MTAP: variants seen among roughly 807,000 people sequenced by gnomAD.
MTAP encodes the protein methylthioadenosine phosphorylase, also known as S-methyl-5'-thioadenosine phosphorylase.
MTAP carries 33 observed loss-of-function variants against 33.6 expected under a neutral mutation model. That is an observed-to-expected ratio of 0.98 (90% CI 0.74 to 1.31). The LOEUF is 1.31. Among genes scored for constraint, MTAP ranks in the 40% most tolerant of loss-of-function variants. The pLI, the probability that MTAP is intolerant of heterozygous loss-of-function variation, is 0.00. For missense variants in MTAP, 367 were observed against 360.0 expected (o/e 1.02, Z -0.16); for synonymous variants, 148 against 125.7 (o/e 1.18, Z -1.19).
At chr9:21,850,625 G>A (rs117328306) in intron 5 of MTAP, among the ~76,000 whole-genome samples, 3,249 of 152,288 alleles carry the variant, frequency 0.021, 48 homozygotes, top group Middle Eastern at 0.082. Context: ...GGATTTTGGA[G>A]CAAGGTCCTG....
intron 4 of MTAP, among the ~76,000 whole-genome samples, chr9:21,829,506 A>G (rs1377956279): frequency 1.3e-5 from 2 of 151,742 alleles, no homozygotes; most frequent in Non-Finnish European, 2.9e-5. Context: ...GCTCACTGCA[A>G]GTGTGAGCCA....
intron 1 of MTAP, among the ~76,000 whole-genome samples, chr9:21,885,064 C>T (rs982005957): frequency 6.6e-6 from 1 of 152,046 alleles, no homozygotes. Flanking sequence ...GATAGTTAAG[C>T]TGATGTTTGC....
intron 1 of MTAP, among the ~76,000 whole-genome samples, chr9:21,913,036 C>G (rs1235472729): frequency 6.6e-6 from 1 of 152,084 alleles, no homozygotes; most frequent in Non-Finnish European, 1.5e-5. Flanking sequence ...ACAATTGCTT[C>G]AAAGAGAATA....
At chr9:21,920,378 C>T (rs1446250205) in intron 1 of MTAP, among the ~76,000 whole-genome samples, 6 of 152,170 alleles carry the variant, frequency 3.9e-5, no homozygotes, top group East Asian at 1.9e-4. Context: ...CACTGCGTGA[C>T]GCTTTTTTAA....
chr9:21,849,274 CTG>C (rs1157316520), intron 5 of MTAP, among the ~76,000 whole-genome samples: 3 of 152,156 alleles, frequency 2.0e-5, no homozygotes, highest in Non-Finnish European at 2.9e-5. Flanking sequence ...ACCAGGGTAA[CTG>C]TGCACTGGGG....
intron 1 of MTAP, among the ~76,000 whole-genome samples, chr9:21,908,039 T>C (rs1251438037): frequency 6.6e-6 from 1 of 152,160 alleles, no homozygotes; most frequent in Non-Finnish European, 1.5e-5. Flanking sequence ...ATATTAACAT[T>C]GATATAGTCA....
rs1329975964 is a variant in MTAP, at chr9:21,883,157, TC to T, written c.147+28289del. Among the ~76,000 whole-genome samples, 3 of 148,716 alleles carry T rather than the reference TC, an allele frequency of 2.0e-5. No homozygotes were observed. In the East Asian group the frequency reaches 5.9e-4, roughly 29 times the overall value. On this transcript the variant is annotated intron_variant, in intron 1 of 1. Coordinates refer to the MTAP transcript ENST00000577563. ...AAAACAAAAACTGGTGTCCAGAATA[TC>T]CAAAAACACCCTAACAAATCACTGA...
chr9:21,840,011 G>C (rs995452069), intron 5 of MTAP, among the ~76,000 whole-genome samples: 4 of 152,190 alleles, frequency 2.6e-5, no homozygotes, highest in African/African-American at 9.7e-5. Flanking sequence ...CGGATCATGA[G>C]GTCAGGAGAT....
intron 5 of MTAP, among the ~76,000 whole-genome samples, chr9:21,845,398 TC>T (rs1226392456): frequency 6.6e-6 from 1 of 151,530 alleles, no homozygotes; most frequent in Non-Finnish European, 1.5e-5. Flanking sequence ...AAGCTGAGAA[TC>T]AAATCAAGAA....
chr9:21,926,829 A>C (rs1247935672), intron 1 of MTAP, among the ~76,000 whole-genome samples: 1 of 152,192 alleles, frequency 6.6e-6, no homozygotes, highest in Non-Finnish European at 1.5e-5. Flanking sequence ...CGATTAAGAA[A>C]AGAGGTTTAA....
intron 7 of MTAP, chr9:21,859,932 A>G (rs1414000798): frequency 6.6e-6 from 1 of 152,218 alleles, no homozygotes; most frequent in African/African-American, 2.4e-5. Context: ...TATAATTTAA[A>G]CTAACTGATA....
chr9:21,821,520 A>G (rs1363720403), intron 4 of MTAP, among the ~76,000 whole-genome samples: 4 of 152,150 alleles, frequency 2.6e-5, no homozygotes, highest in East Asian at 1.9e-4. Context: ...TGCTGGATTC[A>G]GTTTGCCAGT....
chr9:21,815,857 A>G (rs183391025), intron 2 of MTAP, among the ~76,000 whole-genome samples: 220 of 152,358 alleles, frequency 1.4e-3, no homozygotes, highest in East Asian at 8.7e-3. Context: ...TTTGTGGCCA[A>G]TAGGTCACAC....
chr9:21,816,307 A>G (rs1313490010), intron 2 of MTAP, among the ~76,000 whole-genome samples: 1 of 152,202 alleles, frequency 6.6e-6, no homozygotes, highest in Admixed American at 6.5e-5. Flanking sequence ...CCTGGTTAAC[A>G]CAAGCAGACA....
Position 21,818,195 on chromosome 9 carries a change from A to G in MTAP, c.340A>G (p.Ile114Val), listed in dbSNP as rs1024083217. 12 of 1,613,246 alleles carry G rather than the reference A, an allele frequency of 7.4e-6. No homozygotes were observed. Among genetic ancestry groups the G allele is most frequent in the Non-Finnish European group, 9.3e-6 (11 of 1,179,820 alleles). ...PGDIVIIDQFIDRTTMRPQSF... is the reference protein window; with the variant it reads ...PGDIVIIDQFVDRTTMRPQSF... The stretch of plus-strand genomic sequence containing the variant: ...CGATATTGTCATTATTGATCAGTTC[A>G]TTGACAGGTAAGCAGTCATACAAAA... The change falls in exon 4 of 8, where the codon ATT becomes GTT. Residue 114 changes from isoleucine (I) to valine (V), a missense_variant. Coordinates refer to ENST00000644715, the MANE Select transcript of MTAP (RefSeq NM_002451.4).
chr9:21,845,052 T>C (rs1033436829), intron 5 of MTAP, among the ~76,000 whole-genome samples: 9 of 149,354 alleles, frequency 6.0e-5, no homozygotes, highest in African/African-American at 2.2e-4. Context: ...AAAAGCCATC[T>C]ATGACAAACC....
At chr9:21,860,903 C>G (rs1267028925) in intron 7 of MTAP, 1 of 152,196 alleles carries the variant, frequency 6.6e-6, no homozygotes, top group Non-Finnish European at 1.5e-5. Flanking sequence ...CCACCATGCC[C>G]AGCTAGTTTT....
chr9:21,826,882 G>A (rs1456756081), intron 4 of MTAP, among the ~76,000 whole-genome samples: 1 of 152,004 alleles, frequency 6.6e-6, no homozygotes, highest in Admixed American at 6.6e-5. Context: ...TCCCCATCCT[G>A]TCAGATCAGC....
At chr9:21,810,445 G>A (rs758576045) in intron 1 of MTAP, among the ~76,000 whole-genome samples, 1 of 151,664 alleles carries the variant, frequency 6.6e-6, no homozygotes, top group Non-Finnish European at 1.5e-5. Flanking sequence ...GACAAACTTT[G>A]CTTCATAACA....
Sources: allele counts gnomAD v4.1 joint callset (sites outside exome capture counted in the v4.1 genomes callset), GRCh38; gene constraint gnomAD v4.1.1; transcripts MANE v1.5; gene names NCBI Gene and HGNC (gene_info 2026-07-23, HGNC 2026-07-21).